Variants in FBXL2 observed in about 807,000 individuals in gnomAD.
The protein encoded by FBXL2 is F-box/LRR-repeat protein 2.
Under a neutral mutation model 69.2 loss-of-function variants are expected in FBXL2, and 38 were observed. That is an observed-to-expected ratio of 0.55 (90% CI 0.42 to 0.72). The LOEUF is 0.72. Among genes scored for constraint, FBXL2 ranks in the 30% least tolerant of loss-of-function variants. FBXL2 has a pLI of 0.00. For synonymous variants in FBXL2, 192 were observed against 201.3 expected (o/e 0.95, Z 0.39); for missense variants, 354 against 520.3 (o/e 0.68, Z 3.11).
chr3:33,342,548 A>C (rs1046567449), intron 2 of FBXL2, among the ~76,000 whole-genome samples: 1 of 151,508 alleles, frequency 6.6e-6, no homozygotes, highest in African/African-American at 2.4e-5. Flanking sequence ...GGCCATTCTG[A>C]ACCAACACTC....
intron 9 of FBXL2, among the ~76,000 whole-genome samples, chr3:33,374,757 C>T (rs545014287): frequency 3.3e-5 from 5 of 151,768 alleles, no homozygotes; most frequent in South Asian, 2.1e-4. Flanking sequence ...TCTTCATGGC[C>T]AAATTCATAG....
chr3:33,335,745 G>A (rs2039527261), intron 2 of FBXL2, among the ~76,000 whole-genome samples: 1 of 152,062 alleles, frequency 6.6e-6, no homozygotes, highest in Non-Finnish European at 1.5e-5. Context: ...GGGACAAATG[G>A]GAAACAAATA....
chr3:33,409,415 C>T, the FBXL2 span: 4 of 1,613,802 alleles, frequency 2.5e-6, no homozygotes, highest in Non-Finnish European at 3.4e-6. Flanking sequence ...AAAACTGAGC[C>T]TTAATTACAG....
intron 2 of FBXL2, among the ~76,000 whole-genome samples, chr3:33,346,411 GA>G (rs1023857584): frequency 4.5e-4 from 66 of 145,082 alleles, no homozygotes; most frequent in African/African-American, 8.5e-4. Context: ...TCTCTATCAA[GA>G]AAAAAAAAAA....
chr3:33,395,568 C>T (rs887028535), intron 12 of FBXL2, among the ~76,000 whole-genome samples: 2 of 151,810 alleles, frequency 1.3e-5, no homozygotes, highest in East Asian at 1.9e-4. Context: ...CCCAAGATAA[C>T]GTACTGGGTA....
chr3:33,382,170 C>T (rs748539257), intron 13 of FBXL2, among the ~76,000 whole-genome samples: 16 of 152,234 alleles, frequency 1.1e-4, no homozygotes, highest in Non-Finnish European at 1.6e-4. Context: ...TTCCTTGCTT[C>T]ATAGACTGCA....
At chr3:33,363,454 A>G (rs1416474769) in intron 4 of FBXL2, among the ~76,000 whole-genome samples, 1 of 152,212 alleles carries the variant, frequency 6.6e-6, no homozygotes, top group Non-Finnish European at 1.5e-5. Flanking sequence ...TGTCCCTTTG[A>G]ACTTTTCCTC....
At chr3:33,364,458 C>G (rs755003868) in intron 4 of FBXL2, 167 bp from the exon 5 acceptor site, 177 of 644,234 alleles carry the variant, frequency 2.7e-4, no homozygotes, top group Non-Finnish European at 4.2e-4. Flanking sequence ...GTGCTTGCAG[C>G]CCCTGTATGC....
intron 2 of FBXL2, among the ~76,000 whole-genome samples, chr3:33,336,250 C>T (rs913977647): frequency 3.9e-5 from 6 of 152,004 alleles, no homozygotes; most frequent in African/African-American, 1.4e-4. Context: ...AGGAAAAATA[C>T]ATAATTTATT....
chr3:33,360,325 A>G (rs780618676), intron 4 of FBXL2, among the ~76,000 whole-genome samples: 3 of 152,160 alleles, frequency 2.0e-5, no homozygotes, highest in Middle Eastern at 3.2e-3. Context: ...CAAACTAATG[A>G]TCTAGGTCAG....
downstream of FBXL2, chr3:33,388,241 C>T (rs1400142848): frequency 1.3e-5 from 2 of 152,376 alleles, no homozygotes; most frequent in Non-Finnish European, 2.9e-5. Context: ...CCTCTTACTA[C>T]ATTTAGACTG....
At position 33,373,939 on chromosome 3, in the gene FBXL2, C is replaced by T. The variant is rs2042464869; in HGVS notation, c.657+18C>T. On this transcript the variant is annotated intron_variant, in intron 9 of 14. Coordinates refer to ENST00000484457, the MANE Select transcript of FBXL2 (RefSeq NM_012157.5). Reference sequence around the variant, plus strand: ...CCTGCTCAGTAAGTAGCGTGCCTTTCCTGAACACTGTTTGCTCTATCTTGT... The same window carrying T: ...CCTGCTCAGTAAGTAGCGTGCCTTTTCTGAACACTGTTTGCTCTATCTTGT... 1 of 1,612,330 alleles carries T rather than the reference C, an allele frequency of 6.2e-7. No homozygotes were observed. Among genetic ancestry groups the T allele is most frequent in the Admixed American group, 1.7e-5 (1 of 60,000 alleles).
At chr3:33,284,564 G>T (rs980646199) in intron 1 of FBXL2, among the ~76,000 whole-genome samples, 28 of 152,092 alleles carry the variant, frequency 1.8e-4, no homozygotes, top group African/African-American at 2.9e-4. Flanking sequence ...TATTAGGTCC[G>T]CTTGGTGCAG....
At chr3:33,332,167 G>A (rs910129288) in intron 2 of FBXL2, among the ~76,000 whole-genome samples, 1 of 151,974 alleles carries the variant, frequency 6.6e-6, no homozygotes, top group African/African-American at 2.4e-5. Context: ...AATCTGCAAG[G>A]TGAATAAGAT....
intron 5 of FBXL2, among the ~76,000 whole-genome samples, chr3:33,369,003 A>G (rs562122349): frequency 1.6e-4 from 24 of 150,042 alleles, no homozygotes; most frequent in Admixed American, 1.1e-3. Context: ...TTTGTTTTCT[A>G]TTTGTCCCAT....
chr3:33,359,228 C>A lies in FBXL2; in HGVS notation c.121-55C>A. 8 of 1,456,530 alleles carry A rather than the reference C, an allele frequency of 5.5e-6. No homozygotes were observed. In the South Asian group the frequency reaches 7.1e-5, roughly 13 times the overall value. The allele number at this position is 1,456,530 out of a possible 1,614,324, so 90.2% of individuals were successfully genotyped here. On this transcript the variant is annotated intron_variant, in intron 3 of 14. Transcript: ENST00000484457. ...TAATCAAGACTTTCTTTAATAGTCT[C>A]AATAAATGTGTTTCTTTCATCCCAA...
chr3:33,335,709 G>A (rs1308298240), intron 2 of FBXL2, among the ~76,000 whole-genome samples: 2 of 152,110 alleles, frequency 1.3e-5, no homozygotes, highest in Non-Finnish European at 2.9e-5. Flanking sequence ...GGTCTGAAAA[G>A]GGGAACAAAG....
At chr3:33,400,382 C>A in intron 12 of FBXL2, 2 of 841,524 alleles carry the variant, frequency 2.4e-6, no homozygotes, top group Admixed American at 3.5e-5. Context: ...AAAAAACACC[C>A]AAAAAGAGCA....
At chr3:33,325,810 T>C (rs1047731579) in intron 2 of FBXL2, among the ~76,000 whole-genome samples, 1 of 152,222 alleles carries the variant, frequency 6.6e-6, no homozygotes, top group Non-Finnish European at 1.5e-5. Context: ...TCATGAAACC[T>C]TTATTCATGA....
Sources: allele counts gnomAD v4.1 joint callset (sites outside exome capture counted in the v4.1 genomes callset), GRCh38; gene constraint gnomAD v4.1.1; transcripts MANE v1.5; gene names NCBI Gene and HGNC (gene_info 2026-07-23, HGNC 2026-07-21).